HS6ST2: variants seen among roughly 807,000 people sequenced by gnomAD.
The protein encoded by HS6ST2 is heparan-sulfate 6-O-sulfotransferase 2.
In HS6ST2, 17 loss-of-function variants were observed where a neutral mutation model predicts 33.0. That is an observed-to-expected ratio of 0.52 (90% CI 0.35 to 0.77). HS6ST2 has a LOEUF of 0.77. Among genes scored for constraint, HS6ST2 ranks in the 30% least tolerant of loss-of-function variants. HS6ST2 has a pLI of 0.01. For synonymous variants in HS6ST2, 248 were observed against 237.1 expected (o/e 1.05, Z -0.42); for missense variants, 519 against 551.7 (o/e 0.94, Z 0.59).
intron 2 of HS6ST2, among the ~76,000 whole-genome samples, chrX:132,934,510 A>G (rs2066805212): frequency 1.8e-5 from 2 of 112,172 alleles, no homozygotes; most frequent in South Asian, 7.4e-4. Flanking sequence ...CTATCTAGGA[A>G]AACACTTAAA....
At chrX:132,670,112 G>C (rs113998850) in intron 3 of HS6ST2, among the ~76,000 whole-genome samples, 2 of 100,932 alleles carry the variant, frequency 2.0e-5, no homozygotes, top group African/African-American at 7.8e-5. Context: ...TTTTTTTTTT[G>C]TTAGTAAGTT....
intron 2 of HS6ST2, among the ~76,000 whole-genome samples, chrX:132,863,711 A>G (rs2065936729): frequency 9.0e-6 from 1 of 111,084 alleles, no homozygotes; most frequent in African/African-American, 3.3e-5. Context: ...AAAGTAAAAG[A>G]CTTCAGGAAC....
intron 2 of HS6ST2, among the ~76,000 whole-genome samples, chrX:132,865,822 GTTGT>G (rs2065970809): frequency 9.0e-6 from 1 of 111,118 alleles, no homozygotes; most frequent in Admixed American, 9.5e-5. Context: ...TTTTGATGGG[GTTGT>G]TTGTTTTTTT....
In HS6ST2 at chrX:132,949,385, A is replaced by T. The variant is rs186283399; in HGVS notation, c.947+7423T>A. Among the ~76,000 whole-genome samples, 4 of 110,615 alleles carry T rather than the reference A, an allele frequency of 3.6e-5. No individual in the cohort carries two copies. In the East Asian group the frequency reaches 1.1e-3, roughly 31 times the overall value. ...TATAATTTATAAATTAAAATTTATA[A>T]TTTATAAATGAGAAAGAAACAATAG... On this transcript the variant is annotated intron_variant, in intron 2 of 4. Coordinates refer to ENST00000370833, the MANE Select transcript of HS6ST2 (RefSeq NM_001394073.1).
At chrX:132,736,263 T>C (rs1193095886) in intron 2 of HS6ST2, among the ~76,000 whole-genome samples, 1 of 111,585 alleles carries the variant, frequency 9.0e-6, no homozygotes, top group Non-Finnish European at 1.9e-5. Context: ...ATTGAAAGCA[T>C]CTGACTCCAA....
At chrX:132,654,305 TTA>T (rs1025370915) in intron 4 of HS6ST2, among the ~76,000 whole-genome samples, 2 of 111,264 alleles carry the variant, frequency 1.8e-5, no homozygotes, top group African/African-American at 6.5e-5. Flanking sequence ...ATGCAGCTTT[TTA>T]TATGTCAATC....
In HS6ST2 at chrX:132,958,528, G is replaced by C. The variant is rs763455522; in HGVS notation, c.75C>G (p.Thr25=). The change falls in exon 1 of 5, where the codon ACC becomes ACG. Residue 25 remains threonine, a synonymous_variant. Coordinates refer to ENST00000370833, the MANE Select transcript of HS6ST2 (RefSeq NM_001394073.1). ...CTCTGGAATGCCGGCGGGGACAGGT[G>C]GTGCGGACGGGCGCTCCTCGCTCCG... ...RQPERGAPVR[T]TCPRRHSRVE... 13 of 1,182,920 alleles carry C rather than the reference G, an allele frequency of 1.1e-5. No homozygotes were observed. In the African/African-American group the frequency reaches 1.4e-4, roughly 13 times the overall value.
chrX:132,777,403 T>G (rs2064972078), intron 2 of HS6ST2, among the ~76,000 whole-genome samples: 1 of 98,832 alleles, frequency 1.0e-5, no homozygotes, highest in Non-Finnish European at 2.0e-5. Flanking sequence ...CTACTTTTAA[T>G]GAAGTTTAAA....
At chrX:132,779,212 C>T (rs1020215772) in intron 2 of HS6ST2, among the ~76,000 whole-genome samples, 2 of 111,647 alleles carry the variant, frequency 1.8e-5, no homozygotes, top group Non-Finnish European at 3.8e-5. Context: ...AAACAAGACT[C>T]CATCTTTTAA....
At chrX:132,843,809 CACAAAT>C (rs1299644969) in intron 2 of HS6ST2, among the ~76,000 whole-genome samples, 2 of 111,698 alleles carry the variant, frequency 1.8e-5, no homozygotes, top group Non-Finnish European at 3.8e-5. Flanking sequence ...GTCTGTAAAG[CACAAAT>C]ACATGAGAAA....
At chrX:132,910,897 C>A (rs1012298681) in intron 2 of HS6ST2, among the ~76,000 whole-genome samples, 1 of 111,638 alleles carries the variant, frequency 9.0e-6, no homozygotes, top group African/African-American at 3.3e-5. Flanking sequence ...CGCTTGTAAT[C>A]CCAACACTTT....
intron 2 of HS6ST2, among the ~76,000 whole-genome samples, chrX:132,867,622 G>T (rs1265943840): frequency 9.0e-6 from 1 of 110,986 alleles, no homozygotes; most frequent in African/African-American, 3.3e-5. Context: ...AACTGTTTTT[G>T]GTTGGTAAGC....
In HS6ST2 at chrX:132,732,323, AC is replaced by A. The variant is rs763731718; in HGVS notation, c.948-23830del. ...GTAGGCTTCTAACTCCAGTTTAGCC[AC>A]CCCCTACAAGAGAAAAATCAAGGTT... On this transcript the variant is annotated intron_variant, in intron 2 of 4. Coordinates refer to ENST00000370833, the MANE Select transcript of HS6ST2 (RefSeq NM_001394073.1). 3.6e-5 allele frequency among the ~76,000 whole-genome samples: 4 copies of A among 111,560 alleles called. No individual in the cohort carries two copies. The East Asian group carries it at 1.1e-3, about 31-fold the overall frequency.
rs768940576 is a variant in HS6ST2 at position 132,911,536 on chromosome X, C to T, written c.947+45272G>A. Among the ~76,000 whole-genome samples the T allele has an allele frequency of 3.6e-5, 4 of 112,070 alleles. No homozygotes were observed. The East Asian group carries it at 1.1e-3, about 32-fold the overall frequency. On this transcript the variant is annotated intron_variant, in intron 2 of 4. Coordinates refer to ENST00000370833, the MANE Select transcript of HS6ST2 (RefSeq NM_001394073.1). Reference sequence around the variant, plus strand: ...TCTTTGCAATTGTGATTACTTCAGCCTGGACTTCCCCTGGCTTTGCTATGG... The same window carrying T: ...TCTTTGCAATTGTGATTACTTCAGCTTGGACTTCCCCTGGCTTTGCTATGG...
chrX:132,906,987 C>T (rs2066481501), intron 2 of HS6ST2, among the ~76,000 whole-genome samples: 1 of 111,078 alleles, frequency 9.0e-6, no homozygotes, highest in Non-Finnish European at 1.9e-5. Flanking sequence ...AGAAACAGAG[C>T]CCAGCACTCC....
intron 2 of HS6ST2, among the ~76,000 whole-genome samples, chrX:132,777,036 G>T (rs1022424134): frequency 9.5e-6 from 1 of 105,387 alleles, no homozygotes; most frequent in Non-Finnish European, 1.9e-5. Context: ...GAAATGGAAG[G>T]CCGTGGAAAT....
Position 132,876,429 on chromosome X carries a change from A to G in HS6ST2, c.947+80379T>C, listed in dbSNP as rs1395468156. On this transcript the variant is annotated intron_variant, in intron 2 of 4. Transcript: ENST00000370833. ...GTGAGGCTATTTGTGATCTGGAGAC[A>G]GAATAACAGCTTATTTTCAAGTAAT... Among the ~76,000 whole-genome samples the G allele has an allele frequency of 3.6e-5, 4 of 112,185 alleles. No homozygotes were observed. In the East Asian group the frequency reaches 1.1e-3, roughly 31 times the overall value.
intron 2 of HS6ST2, among the ~76,000 whole-genome samples, chrX:132,740,648 A>G (rs1303820249): frequency 9.0e-6 from 1 of 111,596 alleles, no homozygotes; most frequent in Non-Finnish European, 1.9e-5. Flanking sequence ...GTTTGCCTTT[A>G]GAAAGGGGGA....
At chrX:132,892,709 C>T (rs1299766842) in intron 2 of HS6ST2, among the ~76,000 whole-genome samples, 3 of 111,714 alleles carry the variant, frequency 2.7e-5, no homozygotes, top group South Asian at 3.8e-4. Flanking sequence ...ATCCCAGCTA[C>T]CCCGGAAGCT....
Sources: allele counts gnomAD v4.1 joint callset (sites outside exome capture counted in the v4.1 genomes callset), GRCh38; gene constraint gnomAD v4.1.1; transcripts MANE v1.5; gene names NCBI Gene and HGNC (gene_info 2026-07-23, HGNC 2026-07-21).